The following FHIT variants were observed in gnomAD, a reference collection of about 807,000 sequenced individuals.
FHIT encodes fragile histidine triad diadenosine triphosphatase.
In FHIT, 19 loss-of-function variants were observed where a neutral mutation model predicts 17.9. The observed-to-expected ratio is 1.06, with a 90% confidence interval of 0.74 to 1.56. FHIT has a LOEUF of 1.56. FHIT is among the 40% of genes most tolerant of loss of function. The pLI, the probability that FHIT is intolerant of heterozygous loss-of-function variation, is 0.00. For missense variants in FHIT, 248 were observed against 189.2 expected, an observed-to-expected ratio of 1.31 and a Z score of -1.82; for synonymous variants, 81 against 69.7, an observed-to-expected ratio of 1.16 and a Z score of -0.81.
At chr3:60,117,432 C>A (rs1705017372) in intron 5 of FHIT, among the ~76,000 whole-genome samples, 1 of 141,340 alleles carries the variant, frequency 7.1e-6, no homozygotes, top group African/African-American at 2.7e-5. Context: ...CAGTGATTAG[C>A]ATTCCTGTAC....
chr3:60,208,657 G>A (rs1316844616), intron 5 of FHIT, among the ~76,000 whole-genome samples: 1 of 152,024 alleles, frequency 6.6e-6, no homozygotes, highest in East Asian at 1.9e-4. Flanking sequence ...CAAAGCATTG[G>A]TTATTATTTT....
chr3:61,106,547 G>A (rs1320239437), intron 2 of FHIT, among the ~76,000 whole-genome samples: 2 of 152,022 alleles, frequency 1.3e-5, no homozygotes, highest in African/African-American at 4.8e-5. Context: ...TTTTTTAATA[G>A]ACAAATAAAA....
At position 60,300,770 on chromosome 3, in the gene FHIT, G is replaced by C. The variant is rs866573759; in HGVS notation, c.103+236090C>G. Among the ~76,000 whole-genome samples the C allele has an allele frequency of 5.3e-5, 8 of 152,064 alleles. No homozygotes were observed. The South Asian group carries it at 1.5e-3, about 28-fold the overall frequency. On this transcript the variant is annotated intron_variant, in intron 5 of 9. Coordinates refer to ENST00000492590, the MANE Select transcript of FHIT (RefSeq NM_002012.4). ...ACTATTGATCCATGTGCACAAACTA[G>C]AAATATGGGAGGCATTTTGGATACC...
intron 3 of FHIT, among the ~76,000 whole-genome samples, chr3:61,027,127 C>T (rs1414648889): frequency 6.6e-6 from 1 of 151,984 alleles, no homozygotes; most frequent in African/African-American, 2.4e-5. Context: ...GGCTCTGTTG[C>T]CCAGGCTACA....
intron 3 of FHIT, among the ~76,000 whole-genome samples, chr3:61,015,549 T>G (rs1489463448): frequency 1.3e-5 from 2 of 152,344 alleles, no homozygotes; most frequent in Admixed American, 6.5e-5. Flanking sequence ...CCTTCAGGAA[T>G]GTCACTATGG....
chr3:60,322,273 T>C (rs575150777), intron 5 of FHIT, among the ~76,000 whole-genome samples: 11 of 152,226 alleles, frequency 7.2e-5, no homozygotes, highest in East Asian at 1.9e-4. Context: ...GTACATCACA[T>C]TGGTTTTATA....
At chr3:60,080,355 T>C (rs527387675) in intron 5 of FHIT, among the ~76,000 whole-genome samples, 190 of 152,266 alleles carry the variant, frequency 1.2e-3, no homozygotes, top group Non-Finnish European at 2.0e-3. Context: ...TCAGATTTAA[T>C]AGAAATAGCT....
intron 4 of FHIT, among the ~76,000 whole-genome samples, chr3:60,658,056 T>G (rs1010602742): frequency 5.3e-5 from 8 of 152,134 alleles, no homozygotes; most frequent in Non-Finnish European, 4.4e-5. Context: ...CTCTTCATCT[T>G]GCAAAACTGA....
intron 5 of FHIT, among the ~76,000 whole-genome samples, chr3:60,474,001 T>C (rs895556519): frequency 5.3e-5 from 8 of 152,070 alleles, no homozygotes; most frequent in African/African-American, 1.9e-4. Flanking sequence ...ACACATTATT[T>C]TGGAAACATT....
intron 4 of FHIT, among the ~76,000 whole-genome samples, chr3:60,660,408 A>G (rs900452820): frequency 2.6e-5 from 4 of 152,110 alleles, no homozygotes; most frequent in Non-Finnish European, 4.4e-5. Context: ...CGAGTGGGGT[A>G]TGAGTAGCTG....
At chr3:60,326,177 A>G (rs529114157) in intron 5 of FHIT, among the ~76,000 whole-genome samples, 1 of 152,102 alleles carries the variant, frequency 6.6e-6, no homozygotes, top group African/African-American at 2.4e-5. Context: ...TGATGGTTTC[A>G]GGATGATTCA....
At chr3:61,195,522 A>T (rs2038830955) in intron 2 of FHIT, among the ~76,000 whole-genome samples, 1 of 152,162 alleles carries the variant, frequency 6.6e-6, no homozygotes, top group Non-Finnish European at 1.5e-5. Context: ...TATGGAACAG[A>T]AGTTCTCAAA....
At chr3:60,334,906 T>C (rs1227515869) in intron 5 of FHIT, among the ~76,000 whole-genome samples, 2 of 152,376 alleles carry the variant, frequency 1.3e-5, no homozygotes, top group African/African-American at 2.4e-5. Context: ...AGAAATTGTA[T>C]GGCTATAGTA....
rs553659281 is a variant in FHIT, at chr3:61,125,862, C to G, written c.-164+74755G>C. ...ATGACAGTATCAATATTGAATATTT[C>G]TGGAGTATCAATCATTATAGTATGC... On this transcript the variant is annotated intron_variant, in intron 2 of 9. Transcript: ENST00000492590. Among the ~76,000 whole-genome samples, 16 of 152,234 alleles carry G rather than the reference C, an allele frequency of 1.1e-4. No individual in the cohort carries two copies. In the South Asian group the frequency reaches 3.3e-3, roughly 32 times the overall value.
At chr3:59,879,919 A>ACCC (rs1234624847) in intron 8 of FHIT, among the ~76,000 whole-genome samples, 13 of 83,098 alleles carry the variant, frequency 1.6e-4, no homozygotes, top group African/African-American at 2.2e-4. Flanking sequence ...CATTTCCCCC[A>ACCC]CCCCCCCCCC....
At chr3:61,164,198 A>T (rs1040815094) in intron 2 of FHIT, among the ~76,000 whole-genome samples, 2 of 152,238 alleles carry the variant, frequency 1.3e-5, no homozygotes, top group Non-Finnish European at 2.9e-5. Flanking sequence ...AAAGTCTCTG[A>T]AAGTCCTCTC....
chr3:60,443,457 A>G (rs554495260), intron 5 of FHIT, among the ~76,000 whole-genome samples: 26 of 152,182 alleles, frequency 1.7e-4, no homozygotes, highest in African/African-American at 5.8e-4. Flanking sequence ...ATCAATACCT[A>G]ATTTATTGAG....
intron 5 of FHIT, among the ~76,000 whole-genome samples, chr3:60,356,770 A>AC (rs1452040631): frequency 6.9e-6 from 1 of 144,474 alleles, no homozygotes; most frequent in East Asian, 1.9e-4. Flanking sequence ...AAAAAAAAAA[A>AC]AAAAAAAAAA....
chr3:59,778,357 C>A (rs1488290285), intron 8 of FHIT, among the ~76,000 whole-genome samples: 2 of 152,172 alleles, frequency 1.3e-5, no homozygotes, highest in Admixed American at 1.3e-4. Flanking sequence ...TGTTGAATGA[C>A]CATAACCCAG....
Sources: gnomAD v4.1 joint callset for allele counts (sites outside exome capture counted in the v4.1 genomes callset) on GRCh38, gnomAD v4.1.1 for gene constraint, MANE v1.5 for transcripts, NCBI Gene and HGNC (gene_info 2026-07-23, HGNC 2026-07-21) for gene names.